Variants in ACOX2 observed in about 807,000 individuals in gnomAD.
The protein encoded by ACOX2 is peroxisomal acyl-coenzyme A oxidase 2.
Under a neutral mutation model 77.5 loss-of-function variants are expected in ACOX2, and 59 were observed. The observed-to-expected ratio is 0.76, with a 90% CI of 0.62 to 0.95. The LOEUF (loss-of-function observed/expected upper bound fraction) is 0.95, where lower values mean the gene tolerates loss of function less well. Ranked by LOEUF, ACOX2 falls within the 40% of genes least tolerant of loss-of-function variation. The pLI is 0.00. For missense variants in ACOX2, 837 were observed against 880.4 expected (o/e 0.95, Z 0.62); for synonymous variants, 317 against 340.1 (o/e 0.93, Z 0.75).
chr3:58,522,239 A>G lies in ACOX2; in HGVS notation c.1632+257T>C, dbSNP rs1236273513. Among the ~76,000 whole-genome samples the G allele has an allele frequency of 6.6e-6, 1 of 152,216 alleles. No individual in the cohort carries two copies. Among genetic ancestry groups the G allele is most frequent in the Admixed American group, 6.5e-5 (1 of 15,282 alleles). On this transcript the variant is annotated intron_variant, in intron 12 of 14. Coordinates refer to ENST00000302819, the MANE Select transcript of ACOX2 (RefSeq NM_003500.4). This position sits in a 1 kb window ranked among gnomAD's most constrained non-coding sequence, Gnocchi z 4.3. Reference sequence around the variant, plus strand: ...GACTTGACCTGCTTTTCTATCTGGGAGGAAATATTTGAACAACCTGAAGCA... The same window carrying G: ...GACTTGACCTGCTTTTCTATCTGGGGGGAAATATTTGAACAACCTGAAGCA...
Position 58,505,352 on chromosome 3 carries a change from T to G in ACOX2, c.1984-66A>C. On this transcript the variant is annotated intron_variant, in intron 14 of 14. Coordinates refer to ENST00000302819, the MANE Select transcript of ACOX2 (RefSeq NM_003500.4). The surrounding 1 kb of genome is among the most constrained non-coding windows in gnomAD (Gnocchi z 4.4). ...CTGCCAGGATTAATGACTTTCACTT[T>G]CAAATTAAGTCTCTAGCTTCAAAAA... is the stretch of plus-strand genomic sequence containing the variant. The G allele has an allele frequency of 3.1e-6, 4 of 1,277,358 alleles. No individual in the cohort carries two copies. Among genetic ancestry groups the G allele is most frequent in the Non-Finnish European group, 4.4e-6 (4 of 915,100 alleles). 79.1% of individuals were successfully genotyped at this position (1,277,358 alleles called of 1,614,324 possible).
rs1019583533 is a variant in ACOX2, at chr3:58,521,244, C to T, written c.1632+1252G>A. On this transcript the variant is annotated intron_variant, in intron 12 of 14. Coordinates refer to ENST00000302819, the MANE Select transcript of ACOX2 (RefSeq NM_003500.4). This position sits in a 1 kb window ranked among gnomAD's most constrained non-coding sequence, Gnocchi z 4.8. Reference sequence around the variant, plus strand: ...GTGGTGTGGTGGAGGTGGTGGGTCACGTGGTGGTGCTCAACGTCCAGCCTG... The same window carrying T: ...GTGGTGTGGTGGAGGTGGTGGGTCATGTGGTGGTGCTCAACGTCCAGCCTG... Among the ~76,000 whole-genome samples the T allele has an allele frequency of 5.9e-5, 9 of 152,248 alleles. No individual in the cohort carries two copies. The highest frequency in any genetic ancestry group is 5.9e-4 in the Admixed American group (9 of 15,294).
At position 58,530,574 on chromosome 3, in the gene ACOX2, A is replaced by G. The variant is rs1440866712; in HGVS notation, c.884T>C (p.Val295Ala). ...CCCTGACAGCAGCTCCACCCGCACC[A>G]CCACCATGGGAAGGTAGTTGCTCTG... ...TAQSNYLPMV[V>A]VRVELLSGEI... The change falls in exon 8 of 15, where the codon GTG becomes GCG. Residue 295 changes from valine to alanine, a missense_variant. Coordinates refer to ENST00000302819, the MANE Select transcript of ACOX2 (RefSeq NM_003500.4). The G allele has an allele frequency of 1.2e-6, 2 of 1,614,120 alleles. No homozygotes were observed. The highest frequency in any genetic ancestry group is 1.7e-5 in the Admixed American group (1 of 60,018).
Position 58,534,665 on chromosome 3 carries a change from G to T in ACOX2, c.161-143C>A, listed in dbSNP as rs2063467947. ...TACAGATGACAAAACTGAGGACCAA[G>T]GTGGGAAAGTGAATTGCCCAAGGTT... On this transcript the variant is annotated intron_variant, in intron 2 of 14. Coordinates refer to ENST00000302819, the MANE Select transcript of ACOX2 (RefSeq NM_003500.4). This position sits in a 1 kb window ranked among gnomAD's most constrained non-coding sequence, Gnocchi z 4.8. 1 of 1,537,764 alleles carries T rather than the reference G, an allele frequency of 6.5e-7. No homozygotes were observed. Among genetic ancestry groups the T allele is most frequent in the Non-Finnish European group, 8.8e-7 (1 of 1,140,708 alleles).
Position 58,531,449 on chromosome 3 carries a change from A to G in ACOX2, c.704-83T>C. 1 of 1,351,186 alleles carries G rather than the reference A, an allele frequency of 7.4e-7. No homozygotes were observed. Among genetic ancestry groups the G allele is most frequent in the Non-Finnish European group, 1.0e-6 (1 of 960,360 alleles). 83.7% of individuals were successfully genotyped at this position (1,351,186 alleles called of 1,614,324 possible). On this transcript the variant is annotated intron_variant, in intron 6 of 14. Coordinates refer to ENST00000302819, the MANE Select transcript of ACOX2 (RefSeq NM_003500.4). This position sits in a 1 kb window ranked among gnomAD's most constrained non-coding sequence, Gnocchi z 5.8. ...AGGTATCATACACACATTCCAGGTC[A>G]CAGCAGCCTGTGACACTGGGATTAT...
At position 58,524,747 on chromosome 3, in the gene ACOX2, C is replaced by T. The variant is rs990557198; in HGVS notation, c.1347-142G>A. 2 of 949,454 alleles carry T rather than the reference C, an allele frequency of 2.1e-6. No individual in the cohort carries two copies. Among genetic ancestry groups the T allele is most frequent in the Non-Finnish European group, 3.1e-6 (2 of 647,452 alleles). 58.8% of individuals were successfully genotyped at this position (949,454 alleles called of 1,614,324 possible). Reference sequence around the variant, plus strand: ...CCAGGTCACCAGGCCTCTGCCTGGCCTCCCTCCTGAGGGTTCCCCCTCGGG... The same window carrying T: ...CCAGGTCACCAGGCCTCTGCCTGGCTTCCCTCCTGAGGGTTCCCCCTCGGG... On this transcript the variant is annotated intron_variant, in intron 10 of 14. Coordinates refer to ENST00000302819, the MANE Select transcript of ACOX2 (RefSeq NM_003500.4). The surrounding 1 kb of genome is among the most constrained non-coding windows in gnomAD (Gnocchi z 5.5).
intron 13 of ACOX2, chr3:58,511,381 T>A: frequency 6.2e-6 from 2 of 322,490 alleles, no homozygotes; most frequent in Non-Finnish European, 1.2e-5. Flanking sequence ...CGCAAAGCCA[T>A]TATCATGAAG....
Position 58,525,406 on chromosome 3 carries a change from G to T in ACOX2, c.1347-801C>A, listed in dbSNP as rs2063387127. ...TCACCTGAGAATAGGTGAGGATGAG[G>T]CTCTGTCGGCCTCCAGGGCCCACAG... On this transcript the variant is annotated intron_variant, in intron 10 of 14. Transcript: ENST00000302819. This position sits in a 1 kb window ranked among gnomAD's most constrained non-coding sequence, Gnocchi z 5.0. Among the ~76,000 whole-genome samples, 1 of 152,202 alleles carries T rather than the reference G, an allele frequency of 6.6e-6. No individual in the cohort carries two copies. The highest frequency in any genetic ancestry group is 2.4e-5 in the African/African-American group (1 of 41,460).
chr3:58,507,186 C>G (rs1254642557), intron 14 of ACOX2, among the ~76,000 whole-genome samples: 1 of 152,126 alleles, frequency 6.6e-6, no homozygotes, highest in African/African-American at 2.4e-5. Flanking sequence ...GCAGCAGATT[C>G]CTTTGTCTCA....
Position 58,505,190 on chromosome 3 carries a change from G to A in ACOX2, c.*34C>T, listed in dbSNP as rs746643284. On this transcript the variant is annotated 3_prime_UTR_variant, in exon 15 of 15. Transcript: ENST00000302819. The surrounding 1 kb of genome is among the most constrained non-coding windows in gnomAD (Gnocchi z 4.4). ...TGCCATAGTACCATTATCACATGAT[G>A]GTGCTGGTTGCTTCTTGAATACTGT... is the stretch of plus-strand genomic sequence containing the variant. The A allele has an allele frequency of 5.1e-6, 8 of 1,568,132 alleles. No homozygotes were observed. Among genetic ancestry groups the A allele is most frequent in the Non-Finnish European group, 7.0e-6 (8 of 1,143,750 alleles).
rs897136585 is a variant in ACOX2 at position 58,521,253 on chromosome 3, G to A, written c.1632+1243C>T. Among the ~76,000 whole-genome samples the A allele has an allele frequency of 2.8e-4, 42 of 152,286 alleles. No homozygotes were observed. Among genetic ancestry groups the A allele is most frequent in the African/African-American group, 1.0e-3 (42 of 41,572 alleles). ...TGGAGGTGGTGGGTCACGTGGTGGT[G>A]CTCAACGTCCAGCCTGCCTGACCAG... On this transcript the variant is annotated intron_variant, in intron 12 of 14. Coordinates refer to ENST00000302819, the MANE Select transcript of ACOX2 (RefSeq NM_003500.4). This position sits in a 1 kb window ranked among gnomAD's most constrained non-coding sequence, Gnocchi z 4.8.
At chr3:58,517,492 G>T in intron 12 of ACOX2, 69 bp from the exon 13 acceptor site, 1 of 1,467,604 alleles carries the variant, frequency 6.8e-7, no homozygotes, top group Non-Finnish European at 9.5e-7. Flanking sequence ...CTGGAAGCAT[G>T]GCAAGATGGC....
In ACOX2 at chr3:58,526,461, C is replaced by T; in HGVS notation, c.1346+5G>A. 3.1e-6 allele frequency: 5 copies of T among 1,609,522 alleles called. No homozygotes were observed. The highest frequency in any genetic ancestry group is 4.2e-6 in the Non-Finnish European group (5 of 1,177,490). On this transcript the variant is annotated splice_donor_5th_base_variant and intron_variant, in intron 10 of 14. Transcript: ENST00000302819. The surrounding 1 kb of genome is among the most constrained non-coding windows in gnomAD (Gnocchi z 4.3). ...GGCAAAGGCCTGGGTCAGCCTGGACCTTACCTGGCCACCTGCAGGTAGAGC... is the reference window on the plus strand; with the variant it reads ...GGCAAAGGCCTGGGTCAGCCTGGACTTTACCTGGCCACCTGCAGGTAGAGC...
chr3:58,536,706 A>G (rs2063484292), intron 1 of ACOX2, among the ~76,000 whole-genome samples: 1 of 151,944 alleles, frequency 6.6e-6, no homozygotes, highest in South Asian at 2.1e-4. Context: ...TGCCCAGAAC[A>G]CCCTTTCTTC....
At chr3:58,520,606 C>T (rs917969020) in intron 12 of ACOX2, among the ~76,000 whole-genome samples, 10 of 152,258 alleles carry the variant, frequency 6.6e-5, no homozygotes, top group African/African-American at 2.4e-4. Flanking sequence ...CCTCTTCCCT[C>T]AAGTTGCAGT....
rs1189909146 is a variant in ACOX2, at chr3:58,533,281, G to C, written c.583+164C>G. Among the ~76,000 whole-genome samples, 1 of 152,102 alleles carries C rather than the reference G, an allele frequency of 6.6e-6. No individual in the cohort carries two copies. Among genetic ancestry groups the C allele is most frequent in the African/African-American group, 2.4e-5 (1 of 41,412 alleles). On this transcript the variant is annotated intron_variant, in intron 5 of 14. Transcript: ENST00000302819. This position sits in a 1 kb window ranked among gnomAD's most constrained non-coding sequence, Gnocchi z 5.6. Reference sequence around the variant, plus strand: ...TTTAATATCCCACCTATTTTACAGAGTAAGAACCTGAGGCTCAGGTTGGTG... The same window carrying C: ...TTTAATATCCCACCTATTTTACAGACTAAGAACCTGAGGCTCAGGTTGGTG...
rs775080003 is a variant in ACOX2 at position 58,526,684 on chromosome 3, G to A, written c.1156-28C>T. On this transcript the variant is annotated intron_variant, in intron 9 of 14. Coordinates refer to ENST00000302819, the MANE Select transcript of ACOX2 (RefSeq NM_003500.4). The surrounding 1 kb of genome is among the most constrained non-coding windows in gnomAD (Gnocchi z 4.3). ...GTGAGAACATGGAGGGGGGTTGGGC[G>A]GTGTTAGGGGGCCTCCACCATAGGG... The A allele has an allele frequency of 1.0e-5, 16 of 1,604,790 alleles. No homozygotes were observed. The highest frequency in any genetic ancestry group is 2.7e-5 in the African/African-American group (2 of 74,760).
chr3:58,513,906 C>T (rs996413745), intron 13 of ACOX2, among the ~76,000 whole-genome samples: 2 of 152,162 alleles, frequency 1.3e-5, no homozygotes, highest in African/African-American at 4.8e-5. Flanking sequence ...TCTCCTTGGG[C>T]TGGTCAGATT....
Position 58,522,460 on chromosome 3 carries a change from A to C in ACOX2, c.1632+36T>G. On this transcript the variant is annotated intron_variant, in intron 12 of 14. Transcript: ENST00000302819. The surrounding 1 kb of genome is among the most constrained non-coding windows in gnomAD (Gnocchi z 4.3). ...CAGGGTAGCCTGCCTGGGAAGCAAA[A>C]TGGATCCCTTTCAGCTTCAGCTGGC... 1 of 1,600,556 alleles carries C rather than the reference A, an allele frequency of 6.2e-7. No homozygotes were observed. Among genetic ancestry groups the C allele is most frequent in the Non-Finnish European group, 8.6e-7 (1 of 1,168,148 alleles).
Sources: gnomAD v4.1 joint callset for allele counts (sites outside exome capture counted in the v4.1 genomes callset) on GRCh38, gnomAD v4.1.1 for gene constraint, Gnocchi (gnomAD v3.1) non-coding constraint, MANE v1.5 for transcripts, NCBI Gene and HGNC (gene_info 2026-07-23, HGNC 2026-07-21) for gene names.